PPM1A: variants seen among roughly 807,000 people sequenced by gnomAD.
The protein encoded by PPM1A is protein phosphatase 1A.
A neutral mutation model predicts 35.0 loss-of-function variants in PPM1A; 7 were observed. That is an observed-to-expected ratio of 0.20 (90% confidence interval 0.11 to 0.38). The LOEUF (loss-of-function observed/expected upper bound fraction) is 0.38. Among genes scored for constraint, PPM1A ranks in the 10% least tolerant of loss-of-function variants. The probability of loss-of-function intolerance (pLI) is 1.00; values close to 1 mark genes in which losing one functional copy is unlikely to be tolerated. For synonymous variants in PPM1A, 153 were observed against 167.3 expected, an observed-to-expected ratio of 0.91 and a Z score of 0.66; for missense variants, 239 against 467.8, an observed-to-expected ratio of 0.51 and a Z score of 4.51.
intron 1 of PPM1A, among the ~76,000 whole-genome samples, chr14:60,265,349 T>C (rs1884250490): frequency 6.6e-6 from 1 of 152,202 alleles, no homozygotes; most frequent in African/African-American, 2.4e-5. Flanking sequence ...GCCTGAGTTC[T>C]ATCCCAGCCA....
At chr14:60,257,108 C>G (rs1449716103) in intron 1 of PPM1A, among the ~76,000 whole-genome samples, 1 of 152,170 alleles carries the variant, frequency 6.6e-6, no homozygotes, top group Non-Finnish European at 1.5e-5. Flanking sequence ...ATTAGTTCCA[C>G]AAGCCATACA....
chr14:60,287,866 C>T, intron 3 of PPM1A: 1 of 985,030 alleles, frequency 1.0e-6, no homozygotes, highest in Non-Finnish European at 1.2e-6. Context: ...TTTAAAGTTG[C>T]TAATTTGGAG....
chr14:60,268,393 T>G (rs913765228), intron 1 of PPM1A: 5 of 969,578 alleles, frequency 5.2e-6, no homozygotes, highest in Non-Finnish European at 6.1e-6. Flanking sequence ...CAGAGAATTG[T>G]ACAGAGTGAT....
rs1888160321 is a variant in PPM1A at position 60,297,694 on chromosome 14, G to T, written c.*5212G>T. The stretch of plus-strand genomic sequence containing the variant: ...TAAGTTAGATTGATGTAAGAGATCG[G>T]GTAGCTGCGGAACAAAATTAGTTAT... On this transcript the variant is annotated 3_prime_UTR_variant, in exon 6 of 6. Transcript: ENST00000395076. 1 of 151,632 alleles carries T rather than the reference G, an allele frequency of 6.6e-6. No individual in the cohort carries two copies. Among genetic ancestry groups the T allele is most frequent in the Admixed American group, 6.6e-5 (1 of 15,194 alleles). 9.4% of individuals were successfully genotyped at this position (151,632 alleles called of 1,614,324 possible). A position where few individuals can be genotyped will look rare whatever the true frequency, so the allele number is the denominator to read the frequency against.
At chr14:60,280,668 GTTGA>G (rs1402104680) in intron 1 of PPM1A, among the ~76,000 whole-genome samples, 2 of 152,092 alleles carry the variant, frequency 1.3e-5, no homozygotes, top group Non-Finnish European at 2.9e-5. Flanking sequence ...TGCAATTTTG[GTTGA>G]TTATTTCTTG....
rs979758377 is a variant in PPM1A, at chr14:60,249,302, C to T, written c.-396C>T. Reference sequence around the variant, plus strand: ...GAGAGCAGTGGTCTCGGCGCTCGTCCGGCCCGCAGCTTCGGGTCCTCAGGC... The same window carrying T: ...GAGAGCAGTGGTCTCGGCGCTCGTCTGGCCCGCAGCTTCGGGTCCTCAGGC... On this transcript the variant is annotated 5_prime_UTR_variant, in exon 1 of 6. Transcript: ENST00000395076. The surrounding 1 kb of genome is among the most constrained non-coding windows in gnomAD (Gnocchi z 4.5). 3 of 965,886 alleles carry T rather than the reference C, an allele frequency of 3.1e-6. No individual in the cohort carries two copies. Among genetic ancestry groups the T allele is most frequent in the South Asian group, 4.7e-5 (1 of 21,218 alleles). The allele number at this position is 965,886 out of a possible 1,614,324, so 59.8% of individuals were successfully genotyped here.
rs544316090 is a variant in PPM1A at position 60,278,337 on chromosome 14, T to G, written c.-20-4347T>G. Among the ~76,000 whole-genome samples the G allele has an allele frequency of 5.4e-3, 627 of 115,682 alleles. 3 individuals are homozygous for G. The highest frequency in any genetic ancestry group is 0.033 in the African/African-American group (584 of 17,750). The allele number at this position is 115,682 out of a possible 152,430, so 75.9% of individuals were successfully genotyped here. A position where few individuals can be genotyped will look rare whatever the true frequency, so the allele number is the denominator to read the frequency against. ...GGTTTGCTTTTCTTTGGCTCCCAGT[T>G]TCTTTTTTTTTTTTTTTGACTTCTT... On this transcript the variant is annotated intron_variant, in intron 1 of 5. Transcript: ENST00000395076.
intron 1 of PPM1A, among the ~76,000 whole-genome samples, chr14:60,267,547 A>G (rs553343700): frequency 2.0e-4 from 31 of 152,144 alleles, no homozygotes; most frequent in South Asian, 1.9e-3. Context: ...GTCAAATTTT[A>G]TAGAAGGATT....
intron 1 of PPM1A, among the ~76,000 whole-genome samples, chr14:60,269,450 C>T (rs1246222804): frequency 1.3e-5 from 2 of 152,190 alleles, no homozygotes; most frequent in Admixed American, 6.5e-5. Flanking sequence ...CCTCTTTATC[C>T]TCAACGTTTA....
chr14:60,288,293 G>T, intron 3 of PPM1A: 1 of 961,858 alleles, frequency 1.0e-6, no homozygotes. Context: ...ATGATTCAAG[G>T]TAATGTTTTT....
At chr14:60,274,256 A>G (rs1045588900) in intron 1 of PPM1A, among the ~76,000 whole-genome samples, 1 of 152,198 alleles carries the variant, frequency 6.6e-6, no homozygotes, top group Non-Finnish European at 1.5e-5. Context: ...TTCTGTGAGC[A>G]GTCAATTAGA....
chr14:60,281,974 AT>A (rs1037244796), intron 1 of PPM1A, among the ~76,000 whole-genome samples: 1 of 152,218 alleles, frequency 6.6e-6, no homozygotes, highest in African/African-American at 2.4e-5. Flanking sequence ...GCAACTTGAA[AT>A]TTGAGGCTAC....
intron 1 of PPM1A, among the ~76,000 whole-genome samples, chr14:60,269,674 G>A (rs775914110): frequency 3.3e-5 from 5 of 152,092 alleles, no homozygotes; most frequent in South Asian, 2.1e-4. Context: ...TCAACCTCCC[G>A]AGTAGCTGGG....
At chr14:60,258,939 A>T (rs1883443340) in intron 1 of PPM1A, among the ~76,000 whole-genome samples, 1 of 152,128 alleles carries the variant, frequency 6.6e-6, no homozygotes. Context: ...TGAGCTTATG[A>T]CTAAGGATAG....
chr14:60,255,027 C>G (rs1165259974), intron 1 of PPM1A, among the ~76,000 whole-genome samples: 2 of 152,130 alleles, frequency 1.3e-5, no homozygotes, highest in African/African-American at 4.8e-5. Context: ...CCTTCTCCAG[C>G]TTTGGTTTTC....
chr14:60,287,843 T>C (rs950656371), intron 3 of PPM1A: 1 of 984,436 alleles, frequency 1.0e-6, no homozygotes. Flanking sequence ...TCTTTGCTAC[T>C]GACTACCTTA....
At chr14:60,261,696 G>A (rs1230403188) in intron 1 of PPM1A, among the ~76,000 whole-genome samples, 1 of 152,158 alleles carries the variant, frequency 6.6e-6, no homozygotes, top group Non-Finnish European at 1.5e-5. Context: ...GATTCAGTGG[G>A]CTGTTTAGTT....
At chr14:60,267,280 C>G (rs1884499118) in intron 1 of PPM1A, 1 of 152,012 alleles carries the variant, frequency 6.6e-6, no homozygotes, top group Admixed American at 6.6e-5. Context: ...GAGATTTCCT[C>G]TTTGGCTTGA....
chr14:60,293,936 G>A lies in PPM1A; in HGVS notation c.*1454G>A, dbSNP rs762400966. Reference sequence around the variant, plus strand: ...GTCGCATTGAAAAGATTACTGTTCCGTGCCCTTCTGTATTTTTGTCTCTTT... The same window carrying A: ...GTCGCATTGAAAAGATTACTGTTCCATGCCCTTCTGTATTTTTGTCTCTTT... On this transcript the variant is annotated 3_prime_UTR_variant, in exon 6 of 6. Coordinates refer to ENST00000395076, the MANE Select transcript of PPM1A (RefSeq NM_021003.5). This position sits in a 1 kb window ranked among gnomAD's most constrained non-coding sequence, Gnocchi z 4.0. 2 of 151,812 alleles carry A rather than the reference G, an allele frequency of 1.3e-5. No homozygotes were observed. Among genetic ancestry groups the A allele is most frequent in the Middle Eastern group, 3.4e-3 (1 of 294 alleles). 9.4% of individuals were successfully genotyped at this position (151,812 alleles called of 1,614,324 possible).
Sources: gnomAD v4.1 joint callset for allele counts (sites outside exome capture counted in the v4.1 genomes callset) on GRCh38, gnomAD v4.1.1 for gene constraint, Gnocchi (gnomAD v3.1) non-coding constraint, MANE v1.5 for transcripts, NCBI Gene and HGNC (gene_info 2026-07-23, HGNC 2026-07-21) for gene names.